The following SLC1A6 variants were observed in gnomAD, a reference collection of about 807,000 sequenced individuals.
SLC1A6 encodes solute carrier family 1 member 6, also known as excitatory amino acid transporter 4.
In SLC1A6, 15 loss-of-function variants were observed where a neutral mutation model predicts 42.1. The observed-to-expected ratio is 0.36, with a 90% CI of 0.24 to 0.55. The LOEUF is 0.55. Among genes scored for constraint, SLC1A6 ranks in the 20% least tolerant of loss-of-function variants. SLC1A6 has a pLI of 0.88. For synonymous variants in SLC1A6, 317 were observed against 319.7 expected (o/e 0.99, Z 0.09); for missense variants, 542 against 772.5 (o/e 0.70, Z 3.54).
chr19:14,992,743 A>G (rs8112725), intron 1 of SLC1A6, among the ~76,000 whole-genome samples: 15,579 of 152,010 alleles, frequency 0.1, 998 homozygotes, highest in East Asian at 0.23. Context: ...ACTCTGACCA[A>G]AGGCTCCAAC....
At chr19:14,977,151 C>A (rs1192517570) in intron 1 of SLC1A6, 1 of 151,994 alleles carries the variant, frequency 6.6e-6, no homozygotes, top group Admixed American at 6.6e-5. Context: ...CTGTAGATAC[C>A]AAGGGAGATC....
At chr19:15,001,861 A>G (rs2045874096) in intron 1 of SLC1A6, among the ~76,000 whole-genome samples, 1 of 152,048 alleles carries the variant, frequency 6.6e-6, no homozygotes, top group Admixed American at 6.6e-5. Context: ...AGGGTTTACC[A>G]TGTTGCCCAG....
intron 3 of SLC1A6, 28 bp from the exon 4 acceptor site, chr19:14,968,535 A>G: frequency 6.4e-7 from 1 of 1,572,372 alleles, no homozygotes; most frequent in South Asian, 1.1e-5. Context: ...TGGCCCCCGC[A>G]GCTCCATGCA....
At chr19:14,971,035 T>A (rs1179349009) in intron 3 of SLC1A6, among the ~76,000 whole-genome samples, 1 of 151,698 alleles carries the variant, frequency 6.6e-6, no homozygotes, top group Non-Finnish European at 1.5e-5. Flanking sequence ...GAGGCTGAAG[T>A]GGAGGAATTG....
intron 6 of SLC1A6, among the ~76,000 whole-genome samples, chr19:14,959,667 A>AC (rs1298772843): frequency 6.6e-6 from 1 of 152,070 alleles, no homozygotes; most frequent in Non-Finnish European, 1.5e-5. Context: ...CTCCCAACTT[A>AC]CCCCATGCTC....
chr19:14,974,683 A>C (rs1346071175), intron 1 of SLC1A6: 1 of 151,986 alleles, frequency 6.6e-6, no homozygotes, highest in Non-Finnish European at 1.5e-5. Flanking sequence ...AGAGGTGACA[A>C]TTATTGCACA....
Position 14,962,272 on chromosome 19 carries a change from G to A in SLC1A6, c.665C>T (p.Ala222Val), listed in dbSNP as rs781498307. The A allele has an allele frequency of 3.1e-6, 5 of 1,614,138 alleles. No individual in the cohort carries two copies. Among genetic ancestry groups the A allele is most frequent in the South Asian group, 2.2e-5 (2 of 91,078 alleles). The change falls in exon 6 of 10, where the codon GCC becomes GTC. Residue 222 changes from alanine to valine, a missense_variant. Around this residue, in one of 6 missense-constraint regions of SLC1A6, gnomAD observed 298 missense variants for 419.4 expected, o/e 0.71. Coordinates refer to ENST00000594383, the MANE Select transcript of SLC1A6 (RefSeq NM_005071.3). The part of the protein sequence containing the change: ...VRTENGSEPG[A>V]SMPPPFSVEN... ...CACTGAGAATGGAGGAGGCATGGAG[G>A]CACCCGGCTCAGACCCGTTCTCTGT...
At chr19:14,983,740 A>AAAGGCTGT (rs899965415), upstream of SLC1A6, among the ~76,000 whole-genome samples, 1 of 151,058 alleles carries the variant, frequency 6.6e-6, no homozygotes, top group African/African-American at 2.4e-5. Flanking sequence ...AAAAAAAAAA[A>AAAGGCTGT]AAGGCTGTAA....
intron 6 of SLC1A6, among the ~76,000 whole-genome samples, chr19:14,958,660 A>G (rs1419871157): frequency 1.3e-5 from 2 of 151,898 alleles, no homozygotes; most frequent in Non-Finnish European, 2.9e-5. Flanking sequence ...CCCTCTCTCA[A>G]CTTCCTCACC....
At chr19:14,992,573 G>A (rs1179841113) in intron 1 of SLC1A6, among the ~76,000 whole-genome samples, 9 of 151,816 alleles carry the variant, frequency 5.9e-5, no homozygotes, top group Admixed American at 1.3e-4. Flanking sequence ...CAGGAGAATC[G>A]CTTGAACTCA....
upstream of SLC1A6, among the ~76,000 whole-genome samples, chr19:14,984,264 G>A (rs770093486): frequency 6.6e-5 from 10 of 152,088 alleles, no homozygotes; most frequent in Non-Finnish European, 1.0e-4. Context: ...AGCTGACATC[G>A]CACCATTGTG....
At chr19:14,988,415 T>A (rs1045599477) in intron 1 of SLC1A6, among the ~76,000 whole-genome samples, 3 of 152,220 alleles carry the variant, frequency 2.0e-5, no homozygotes, top group African/African-American at 7.2e-5. Context: ...ATGGTGCTTC[T>A]GCTCTGTGAA....
chr19:14,970,470 G>A (rs897310513), intron 3 of SLC1A6, among the ~76,000 whole-genome samples: 5 of 152,092 alleles, frequency 3.3e-5, no homozygotes, highest in African/African-American at 1.2e-4. Context: ...CCAGCACTTT[G>A]GGAGGCCAAG....
At chr19:14,954,426 G>T in intron 7 of SLC1A6, 97 bp from the exon 8 acceptor site, 1 of 1,119,812 alleles carries the variant, frequency 8.9e-7, no homozygotes, top group Non-Finnish European at 1.3e-6. Flanking sequence ...AGAGAATGGG[G>T]CGTGGCCGAA....
intron 8 of SLC1A6, among the ~76,000 whole-genome samples, chr19:14,953,477 A>T (rs954829790): frequency 6.6e-6 from 1 of 151,726 alleles, no homozygotes; most frequent in Non-Finnish European, 1.5e-5. Flanking sequence ...CGAACTCCTG[A>T]CCACCTCGAA....
chr19:14,964,426 G>A lies in SLC1A6; in HGVS notation c.549-65C>T. ...TGGAAGGGCATCTAGGGTGATAACAGTAATACTAACACCAAGAACAACAAT... is the reference window on the plus strand; with the variant it reads ...TGGAAGGGCATCTAGGGTGATAACAATAATACTAACACCAAGAACAACAAT... On this transcript the variant is annotated intron_variant, in intron 4 of 9. Transcript: ENST00000594383. 2.3e-6 allele frequency: 3 copies of A among 1,301,634 alleles called. 1 individual carries two copies. In the South Asian group the frequency reaches 3.5e-5, roughly 15 times the overall value. The allele number at this position is 1,301,634 out of a possible 1,614,324, so 80.6% of individuals were successfully genotyped here.
intron 1 of SLC1A6, among the ~76,000 whole-genome samples, chr19:14,992,042 T>C (rs1201015815): frequency 1.3e-5 from 2 of 152,152 alleles, no homozygotes; most frequent in African/African-American, 4.8e-5. Context: ...GGCAGGCTGG[T>C]CTTGAACTCC....
intron 1 of SLC1A6, among the ~76,000 whole-genome samples, chr19:14,999,251 C>A (rs2045861962): frequency 6.6e-6 from 1 of 152,140 alleles, no homozygotes; most frequent in African/African-American, 2.4e-5. Context: ...GAACCTTGGT[C>A]TCCACAACCC....
At position 14,956,775 on chromosome 19, in the gene SLC1A6, C is replaced by A. The variant is rs2145170594; in HGVS notation, c.936-66G>T. 3 of 1,119,084 alleles carry A rather than the reference C, an allele frequency of 2.7e-6. No individual in the cohort carries two copies. In the East Asian group the frequency reaches 7.1e-5, roughly 27 times the overall value. The allele number at this position is 1,119,084 out of a possible 1,614,324, so 69.3% of individuals were successfully genotyped here. On this transcript the variant is annotated intron_variant, in intron 6 of 9. Transcript: ENST00000594383. ...ACCTCCCTTGCAGGTCTGAAGGTGGCATCCCCAAGGCTTTGCCCATATAGG... is the reference window on the plus strand; with the variant it reads ...ACCTCCCTTGCAGGTCTGAAGGTGGAATCCCCAAGGCTTTGCCCATATAGG...
Sources: allele counts gnomAD v4.1 joint callset (sites outside exome capture counted in the v4.1 genomes callset), GRCh38; gene constraint gnomAD v4.1.1; regional missense constraint gnomAD v4.1.1; transcripts MANE v1.5; gene names NCBI Gene and HGNC (gene_info 2026-07-23, HGNC 2026-07-21).